Variants in CHMP5 observed in about 807,000 individuals in gnomAD.
CHMP5 encodes SNF7 domain containing 2.
A neutral mutation model predicts 33.0 loss-of-function variants in CHMP5; 17 were observed. The observed-to-expected ratio is 0.52, with a 90% CI of 0.35 to 0.77. The LOEUF is 0.77. Among genes scored for constraint, CHMP5 ranks in the 30% least tolerant of loss-of-function variants. The probability of loss-of-function intolerance (pLI) is 0.01; values close to 1 mark genes in which losing one functional copy is unlikely to be tolerated. For synonymous variants in CHMP5, 76 were observed against 90.2 expected, an observed-to-expected ratio of 0.84 and a Z score of 0.89; for missense variants, 216 against 261.5, an observed-to-expected ratio of 0.83 and a Z score of 1.20.
intron 3 of CHMP5, among the ~76,000 whole-genome samples, chr9:33,269,835 T>G (rs1820772148): frequency 6.6e-6 from 1 of 151,596 alleles, no homozygotes; most frequent in South Asian, 2.1e-4. Context: ...TAACCAAGCG[T>G]GGTGGCGCAT....
chr9:33,276,785 G>A (rs951003806), intron 6 of CHMP5, among the ~76,000 whole-genome samples: 1 of 152,212 alleles, frequency 6.6e-6, no homozygotes, highest in South Asian at 2.1e-4. Flanking sequence ...TCCAGGTACA[G>A]GCTGACCTGG....
In CHMP5 at chr9:33,278,536, A is replaced by G. The variant is rs866229559; in HGVS notation, c.609+311A>G. 2.6e-5 allele frequency among the ~76,000 whole-genome samples: 4 copies of G among 152,366 alleles called. No individual in the cohort carries two copies. The South Asian group carries it at 8.3e-4, about 32-fold the overall frequency. Reference sequence around the variant, plus strand: ...GACATTTCCTGTAAAAGCGTAAGCAACACATGCATGAGACTTGCTAGGCAG... The same window carrying G: ...GACATTTCCTGTAAAAGCGTAAGCAGCACATGCATGAGACTTGCTAGGCAG... On this transcript the variant is annotated intron_variant, in intron 7 of 7. Transcript: ENST00000223500.
intron 1 of CHMP5, 124 bp downstream of exon 1, chr9:33,265,271 C>G (rs1289808060): frequency 1.2e-6 from 1 of 865,010 alleles, no homozygotes; most frequent in Non-Finnish European, 1.9e-6. Flanking sequence ...CACGTCGTCC[C>G]TCTCTATCTC....
In CHMP5 at chr9:33,275,569, T is replaced by A. The variant is rs376867859; in HGVS notation, c.388-887T>A. ...GAATAATTTGCTTGTCTCAGTAACC[T>A]CCCTGTCTTCATTAACTAGAAAATG... is the stretch of plus-strand genomic sequence containing the variant. On this transcript the variant is annotated intron_variant, in intron 5 of 7. Transcript: ENST00000223500. 9.3e-4 allele frequency among the ~76,000 whole-genome samples: 141 copies of A among 152,314 alleles called. 2 individuals are homozygous for A. In the South Asian group the frequency reaches 0.028, roughly 30 times the overall value.
At position 33,265,118 on chromosome 9, in the gene CHMP5, C is replaced by G; in HGVS notation, c.40C>G (p.Pro14Ala). The G allele has an allele frequency of 1.2e-6, 2 of 1,614,214 alleles. No homozygotes were observed. The highest frequency in any genetic ancestry group is 4.5e-5 in the East Asian group (2 of 44,882). ...LFGKAKPKAP[P>A]PSLTDCIGTV... ...CGGGAAAGCGAAACCCAAGGCTCCGCCGCCCAGCCTGACTGACTGCATTGG... is the reference window on the plus strand; with the variant it reads ...CGGGAAAGCGAAACCCAAGGCTCCGGCGCCCAGCCTGACTGACTGCATTGG... Residue 14 changes from proline to alanine, a missense_variant, in exon 1 of 8, where the codon CCG becomes GCG. By Grantham distance (27) the Pro-to-Ala change is conservative. Transcript: ENST00000223500.
At position 33,281,936 on chromosome 9, in the gene CHMP5, A is replaced by T. The variant is rs993179079; in HGVS notation, c.*1077A>T. 6.6e-6 allele frequency: 1 copy of T among 152,212 alleles called. No homozygotes were observed. The highest frequency in any genetic ancestry group is 2.4e-5 in the African/African-American group (1 of 41,442). The allele number at this position is 152,212 out of a possible 1,614,324, so 9.4% of individuals were successfully genotyped here. A position where few individuals can be genotyped will look rare whatever the true frequency, so the allele number is the denominator to read the frequency against. On this transcript the variant is annotated 3_prime_UTR_variant, in exon 8 of 8. Transcript: ENST00000223500. ...CTGCCCAATTTCAGGGTCTTTAATG[A>T]TCCTGTCCTCCCTTCCTCATTCAAC...
chr9:33,268,568 T>C (rs1018407069), intron 3 of CHMP5, among the ~76,000 whole-genome samples: 1 of 152,220 alleles, frequency 6.6e-6, no homozygotes, highest in African/African-American at 2.4e-5. Context: ...AATGACTTTT[T>C]ATAAGATACC....
chr9:33,270,524 GT>G (rs912424798), intron 3 of CHMP5, 98 bp from the exon 4 acceptor site: 1,298 of 931,404 alleles, frequency 1.4e-3, no homozygotes, highest in Non-Finnish European at 1.6e-3. Context: ...TTGTTCCGTT[GT>G]TTTTTTTTTA....
chr9:33,276,827 C>G (rs1820860468), intron 6 of CHMP5, among the ~76,000 whole-genome samples: 1 of 152,144 alleles, frequency 6.6e-6, no homozygotes, highest in Admixed American at 6.5e-5. Flanking sequence ...CTCCACGTGG[C>G]CTTTCCTTGC....
intron 3 of CHMP5, among the ~76,000 whole-genome samples, chr9:33,268,175 G>C (rs1297393489): frequency 6.6e-6 from 1 of 152,228 alleles, no homozygotes; most frequent in Non-Finnish European, 1.5e-5. Context: ...AATGTGGCTA[G>C]TGTGACTAAG....
At chr9:33,272,308 A>C (rs1820803396) in intron 5 of CHMP5, among the ~76,000 whole-genome samples, 1 of 151,556 alleles carries the variant, frequency 6.6e-6, no homozygotes, top group South Asian at 2.1e-4. Flanking sequence ...CTGTGTCCCC[A>C]GTGCCCATAA....
chr9:33,269,948 TG>T (rs766206255), intron 3 of CHMP5, among the ~76,000 whole-genome samples: 2 of 152,108 alleles, frequency 1.3e-5, no homozygotes, highest in Non-Finnish European at 2.9e-5. Context: ...CACTCCAGCC[TG>T]GGCAACAAAA....
At chr9:33,265,622 G>A (rs762333602) in intron 1 of CHMP5, among the ~76,000 whole-genome samples, 2 of 152,120 alleles carry the variant, frequency 1.3e-5, no homozygotes, top group African/African-American at 2.4e-5. Flanking sequence ...CACCATCCCC[G>A]ATTTAGGGAA....
chr9:33,274,710 G>A (rs1296310437), intron 5 of CHMP5, among the ~76,000 whole-genome samples: 1 of 152,126 alleles, frequency 6.6e-6, no homozygotes, highest in Non-Finnish European at 1.5e-5. Flanking sequence ...CTGCCTCCTG[G>A]GTTCAAACGA....
chr9:33,266,528 A>G (rs377760348), intron 2 of CHMP5, among the ~76,000 whole-genome samples: 1 of 152,188 alleles, frequency 6.6e-6, no homozygotes, highest in African/African-American at 2.4e-5. Context: ...TACAGAAGAG[A>G]TGCTTACAGT....
chr9:33,276,152 A>C (rs1284046735), intron 5 of CHMP5, among the ~76,000 whole-genome samples: 1 of 152,232 alleles, frequency 6.6e-6, no homozygotes, highest in African/African-American at 2.4e-5. Context: ...CTTTGGGCTT[A>C]TGGTTTTTAA....
intron 5 of CHMP5, among the ~76,000 whole-genome samples, chr9:33,275,278 C>T (rs1278491163): frequency 6.6e-6 from 1 of 152,194 alleles, no homozygotes; most frequent in Non-Finnish European, 1.5e-5. Context: ...TGGAACCAAT[C>T]CCTTGCGTGT....
chr9:33,269,757 C>G (rs147037179), intron 3 of CHMP5, among the ~76,000 whole-genome samples: 17 of 152,230 alleles, frequency 1.1e-4, no homozygotes, highest in Non-Finnish European at 1.6e-4. Flanking sequence ...GGCGGATCAT[C>G]TGAGGTTGGG....
chr9:33,279,352 C>T (rs532086290), intron 7 of CHMP5, among the ~76,000 whole-genome samples: 1 of 152,092 alleles, frequency 6.6e-6, no homozygotes, highest in Non-Finnish European at 1.5e-5. Context: ...TTTCTTAGGT[C>T]CATTATTACT....
Sources: gnomAD v4.1 joint callset for allele counts (sites outside exome capture counted in the v4.1 genomes callset) on GRCh38, gnomAD v4.1.1 for gene constraint, MANE v1.5 for transcripts, NCBI Gene and HGNC (gene_info 2026-07-23, HGNC 2026-07-21) for gene names.